Variants in MYLK observed in about 807,000 individuals in gnomAD.
The protein encoded by MYLK is myosin light chain kinase, also known as myosin light chain kinase, smooth muscle.
MYLK carries 106 observed loss-of-function variants against 203.4 expected under a neutral mutation model. The observed-to-expected ratio is 0.52, with a 90% CI of 0.45 to 0.61. The LOEUF is 0.61. MYLK is among the 20% of genes least tolerant of loss of function. MYLK has a pLI of 0.00. For missense variants in MYLK, 2,072 were observed against 2,442.3 expected, an observed-to-expected ratio of 0.85 and a Z score of 3.20; for synonymous variants, 867 against 959.5, an observed-to-expected ratio of 0.90 and a Z score of 1.78.
At chr3:123,615,929 G>A (rs764895801) in intron 33 of MYLK, among the ~76,000 whole-genome samples, 1 of 152,188 alleles carries the variant, frequency 6.6e-6, no homozygotes, top group Non-Finnish European at 1.5e-5. Context: ...GATTACAGGC[G>A]TGAGCCACTA....
intron 33 of MYLK, among the ~76,000 whole-genome samples, chr3:123,615,763 C>T (rs1344408161): frequency 6.6e-6 from 1 of 152,062 alleles, no homozygotes; most frequent in Non-Finnish European, 1.5e-5. Context: ...ATCCTTCCAC[C>T]TCAGCCTACT....
intron 5 of MYLK, among the ~76,000 whole-genome samples, chr3:123,746,988 T>A (rs1224290981): frequency 6.6e-6 from 1 of 152,132 alleles, no homozygotes; most frequent in South Asian, 2.1e-4. Context: ...AGAAGAACCA[T>A]GACAAACATC....
intron 2 of MYLK, among the ~76,000 whole-genome samples, chr3:123,859,958 G>A (rs538296853): frequency 2.0e-5 from 3 of 149,414 alleles, no homozygotes; most frequent in East Asian, 2.0e-4. Flanking sequence ...ATTTTCAGAC[G>A]CAGTTAGAAA....
chr3:123,882,374 A>G (rs2033598370), intron 1 of MYLK, among the ~76,000 whole-genome samples: 1 of 152,196 alleles, frequency 6.6e-6, no homozygotes, highest in South Asian at 2.1e-4. Flanking sequence ...AGATCACGCC[A>G]CTGTACTCCA....
chr3:123,848,702 G>A (rs1018198897), intron 2 of MYLK, among the ~76,000 whole-genome samples: 2 of 152,122 alleles, frequency 1.3e-5, no homozygotes, highest in Non-Finnish European at 2.9e-5. Context: ...CTTGGAATGT[G>A]AATGCTAAAC....
At chr3:123,662,837 C>T (rs917176813) in intron 23 of MYLK, among the ~76,000 whole-genome samples, 2 of 152,200 alleles carry the variant, frequency 1.3e-5, no homozygotes, top group African/African-American at 4.8e-5. Context: ...TCTGGGCCAA[C>T]CTGTCCTCCC....
intron 2 of MYLK, among the ~76,000 whole-genome samples, chr3:123,852,682 T>C (rs1220323851): frequency 3.9e-5 from 6 of 152,146 alleles, no homozygotes; most frequent in Middle Eastern, 3.2e-3. Flanking sequence ...AAAAACCAGC[T>C]CCTGAGATTT....
chr3:123,646,671 C>T (rs142752622), intron 27 of MYLK, among the ~76,000 whole-genome samples: 156 of 152,316 alleles, frequency 1.0e-3, no homozygotes, highest in African/African-American at 3.4e-3. Flanking sequence ...TTGTACAACC[C>T]CATAGGGAAA....
chr3:123,691,831 C>G (rs1299365741), intron 19 of MYLK: 2 of 152,228 alleles, frequency 1.3e-5, no homozygotes, highest in Non-Finnish European at 2.9e-5. Flanking sequence ...TGAGACATTT[C>G]CAGGTAAGTG....
At chr3:123,623,221 C>A (rs2057966339) in intron 31 of MYLK, 1 of 152,224 alleles carries the variant, frequency 6.6e-6, no homozygotes, top group Non-Finnish European at 1.5e-5. Context: ...GCCAAGAATA[C>A]TCCGTGCTAT....
chr3:123,619,660 C>T (rs1174777489), intron 32 of MYLK, among the ~76,000 whole-genome samples: 2 of 152,220 alleles, frequency 1.3e-5, no homozygotes, highest in African/African-American at 4.8e-5. Context: ...GAGCAAGTAA[C>T]TGACCCTATT....
Position 123,618,745 on chromosome 3 carries a change from C to T in MYLK, c.5394G>A (p.Glu1798=). The T allele has an allele frequency of 6.2e-7, 1 of 1,614,142 alleles. No individual in the cohort carries two copies. Among genetic ancestry groups the T allele is most frequent in the Non-Finnish European group, 8.5e-7 (1 of 1,179,994 alleles). Residue 1798 remains glutamate (E), a synonymous_variant, in exon 33 of 34, where the codon GAG becomes GAA. Transcript: ENST00000360304. ...SEEDVSQAFL[E]AVAEEKPHVK... The stretch of plus-strand genomic sequence containing the variant: ...CATGAGGCTTTTCCTCAGCAACAGC[C>T]TCAAGGAAAGCTTGGGACACATCTT...
Position 123,738,981 on chromosome 3 carries a change from G to T in MYLK, c.504C>A (p.Gly168=), listed in dbSNP as rs1221547675. ...ECPPKFATKL[G]RVVVKEGQMG... ...TCTGTCCTTCTTTGACCACAACTCG[G>T]CCCAGCTTGGTAGCAAACTTTGGTG... The change falls in exon 7 of 34, where the codon GGC becomes GGA. Residue 168 remains glycine (G), a synonymous_variant. Coordinates refer to ENST00000360304, the MANE Select transcript of MYLK (RefSeq NM_053025.4). The T allele has an allele frequency of 1.2e-6, 2 of 1,613,514 alleles. No individual in the cohort carries two copies.
chr3:123,799,616 C>A (rs1434873548), intron 3 of MYLK, among the ~76,000 whole-genome samples: 1 of 152,194 alleles, frequency 6.6e-6, no homozygotes, highest in African/African-American at 2.4e-5. Flanking sequence ...AACAACAGCA[C>A]ACATCAGAGG....
intron 12 of MYLK, 107 bp from the exon 13 acceptor site, chr3:123,722,387 C>T (rs1340141690): frequency 3.8e-5 from 40 of 1,044,676 alleles, no homozygotes; most frequent in Middle Eastern, 2.9e-4. Context: ...ACTTGTCATG[C>T]TTGCTCAGAT....
chr3:123,747,868 G>A (rs2063068986), intron 5 of MYLK, among the ~76,000 whole-genome samples: 1 of 152,108 alleles, frequency 6.6e-6, no homozygotes, highest in African/African-American at 2.4e-5. Flanking sequence ...AAAGTCAAAG[G>A]CCTTCTCAGA....
At chr3:123,667,114 C>T (rs1166004563) in intron 21 of MYLK, 23 bp downstream of exon 21, 1 of 1,613,190 alleles carries the variant, frequency 6.2e-7, no homozygotes, top group Non-Finnish European at 8.5e-7. Flanking sequence ...TCTTTGACCC[C>T]AGATAGTGCC....
chr3:123,734,032 G>T lies in MYLK; in HGVS notation c.964C>A (p.Leu322Met), dbSNP rs770445862. 36 of 1,614,102 alleles carry T rather than the reference G, an allele frequency of 2.2e-5. 1 individual carries two copies. In the South Asian group the frequency reaches 3.8e-4, roughly 17 times the overall value. ...CTGGGCGAGTCCTTGCATGACTCCA[G>T]CTTGGACTCCCTTGGGGGCTGAGGC... is the stretch of plus-strand genomic sequence containing the variant. Reference protein sequence around the residue: ...SQPQPPRESKLESCKDSPRTA... With the variant: ...SQPQPPRESKMESCKDSPRTA... The change falls in exon 10 of 34, where the codon CTG (leucine) becomes ATG (methionine). Residue 322 changes from leucine (L) to methionine (M), a missense_variant. Leu to Met is a conservative substitution (Grantham distance 15). This residue lies in a region of MYLK where 683 missense variants were observed against 643.8 expected (regional missense o/e 1.06). Coordinates refer to ENST00000360304, the MANE Select transcript of MYLK (RefSeq NM_053025.4).
intron 2 of MYLK, among the ~76,000 whole-genome samples, chr3:123,855,932 C>A (rs551368328): frequency 6.6e-6 from 1 of 152,270 alleles, no homozygotes; most frequent in African/African-American, 2.4e-5. Context: ...ATTTTAAAGA[C>A]TAATATAATC....
Sources: allele counts gnomAD v4.1 joint callset (sites outside exome capture counted in the v4.1 genomes callset), GRCh38; gene constraint gnomAD v4.1.1; regional missense constraint gnomAD v4.1.1; transcripts MANE v1.5; gene names NCBI Gene and HGNC (gene_info 2026-07-23, HGNC 2026-07-21).